Variants in SNX13 observed in about 807,000 individuals in gnomAD.
SNX13 encodes the protein sorting nexin-13.
A neutral mutation model predicts 133.6 loss-of-function variants in SNX13; 45 were observed. The observed-to-expected ratio is 0.34, with a 90% confidence interval of 0.27 to 0.43. The LOEUF (loss-of-function observed/expected upper bound fraction) is 0.43. Ranked by LOEUF, SNX13 falls within the 20% of genes least tolerant of loss-of-function variation. The pLI is 1.00. For synonymous variants in SNX13, 414 were observed against 373.9 expected (o/e 1.11, Z -1.24); for missense variants, 1,032 against 1,145.1 (o/e 0.90, Z 1.43).
At chr7:17,862,660 T>G (rs1436477912) in intron 9 of SNX13, among the ~76,000 whole-genome samples, 1 of 152,218 alleles carries the variant, frequency 6.6e-6, no homozygotes, top group Non-Finnish European at 1.5e-5. Context: ...AGTATTCAAT[T>G]GTATCAATGT....
intron 1 of SNX13, among the ~76,000 whole-genome samples, chr7:17,916,693 C>G (rs528655398): frequency 3.3e-5 from 5 of 151,564 alleles, no homozygotes; most frequent in Admixed American, 1.3e-4. Flanking sequence ...AAAAAAAAAC[C>G]CTGGACCAGA....
At chr7:17,915,108 A>T (rs999366579) in intron 1 of SNX13, among the ~76,000 whole-genome samples, 8 of 152,210 alleles carry the variant, frequency 5.3e-5, no homozygotes, top group Middle Eastern at 3.2e-3. Flanking sequence ...AACCAAAAAC[A>T]CTAAAAAAGG....
chr7:17,877,242 A>T (rs1794836894), intron 5 of SNX13, among the ~76,000 whole-genome samples: 1 of 152,062 alleles, frequency 6.6e-6, no homozygotes, highest in African/African-American at 2.4e-5. Flanking sequence ...TAATCCGAGG[A>T]TGAATTAATT....
intron 1 of SNX13, among the ~76,000 whole-genome samples, chr7:17,911,590 A>G (rs1429963780): frequency 3.3e-5 from 5 of 151,206 alleles, no homozygotes; most frequent in Non-Finnish European, 7.4e-5. Context: ...GTGAGCCAAG[A>G]TCGCGCCACT....
At chr7:17,796,638 T>C in intron 25 of SNX13, 189 bp downstream of exon 25, 1 of 542,436 alleles carries the variant, frequency 1.8e-6, no homozygotes, top group Non-Finnish European at 3.3e-6. Flanking sequence ...TAACAGTCCT[T>C]AGCTTTACAG....
chr7:17,859,809 T>C (rs1277511667), intron 9 of SNX13, among the ~76,000 whole-genome samples: 1 of 152,202 alleles, frequency 6.6e-6, no homozygotes, highest in Non-Finnish European at 1.5e-5. Context: ...AGGTTCATCA[T>C]GTTGTAGGAT....
At chr7:17,888,439 A>G in intron 5 of SNX13, 1 of 208,976 alleles carries the variant, frequency 4.8e-6, no homozygotes, top group Non-Finnish European at 9.8e-6. Context: ...AGGAAAGAAG[A>G]GCAGGAAACT....
chr7:17,818,282 A>G (rs1583351212), intron 18 of SNX13, among the ~76,000 whole-genome samples: 1 of 152,304 alleles, frequency 6.6e-6, no homozygotes, highest in Non-Finnish European at 1.5e-5. Context: ...TAATATACCA[A>G]GGAAATATGA....
intron 1 of SNX13, among the ~76,000 whole-genome samples, chr7:17,906,021 A>G (rs181973390): frequency 2.7e-4 from 39 of 143,296 alleles, no homozygotes; most frequent in Admixed American, 2.5e-3. Context: ...GATAATAAAG[A>G]AAGAATATGA....
At chr7:17,832,294 A>C (rs1788589087) in intron 15 of SNX13, 1 of 984,528 alleles carries the variant, frequency 1.0e-6, no homozygotes, top group South Asian at 4.7e-5. Flanking sequence ...GACTGGCTAG[A>C]AAGATATGAA....
chr7:17,915,833 C>T (rs1166909875), intron 1 of SNX13, among the ~76,000 whole-genome samples: 1 of 152,162 alleles, frequency 6.6e-6, no homozygotes, highest in African/African-American at 2.4e-5. Flanking sequence ...GACACTTAAC[C>T]CAATGACTGC....
At chr7:17,832,272 C>T (rs897393868) in intron 15 of SNX13, 34 of 984,344 alleles carry the variant, frequency 3.5e-5, no homozygotes, top group African/African-American at 5.3e-5. Context: ...AATAGCTGTA[C>T]TGAAGAAGAC....
intron 5 of SNX13, chr7:17,881,960 T>C (rs1795397297): frequency 6.6e-6 from 1 of 152,226 alleles, no homozygotes; most frequent in South Asian, 2.1e-4. Context: ...TCTCCTTTTA[T>C]CATCCACTTT....
chr7:17,817,429 A>G (rs1786786169), intron 18 of SNX13, among the ~76,000 whole-genome samples: 2 of 152,230 alleles, frequency 1.3e-5, no homozygotes, highest in Admixed American at 1.3e-4. Context: ...ACGTCTCTGT[A>G]AAGAAAACTA....
chr7:17,797,381 C>G (rs551347225), intron 24 of SNX13, among the ~76,000 whole-genome samples: 1 of 151,808 alleles, frequency 6.6e-6, no homozygotes. Context: ...CTACATAATA[C>G]TAAATTCTAA....
chr7:17,807,176 C>G (rs536602299), intron 20 of SNX13, among the ~76,000 whole-genome samples: 1 of 152,088 alleles, frequency 6.6e-6, no homozygotes, highest in Non-Finnish European at 1.5e-5. Flanking sequence ...ATCCCACCCC[C>G]ACGGAGCCCA....
chr7:17,893,365 T>C lies in SNX13; in HGVS notation c.195A>G (p.Ser65=), dbSNP rs754226894. 1 of 1,577,820 alleles carries C rather than the reference T, an allele frequency of 6.3e-7. No homozygotes were observed. The highest frequency in any genetic ancestry group is 1.2e-5 in the South Asian group (1 of 85,816). ...CCCCAGGTGATGTTGGAGGAAGAAA[T>C]GAGTGTTCACACTGTTCTAGGTACT... The part of the protein sequence containing the change: ...SEKYLEQCEH[S]FLPPTSPGVP... Residue 65 remains serine, a synonymous_variant, in exon 3 of 26, where the codon TCA becomes TCG. Coordinates refer to ENST00000428135, the MANE Select transcript of SNX13 (RefSeq NM_015132.5).
intron 5 of SNX13, 137 bp downstream of exon 5, chr7:17,890,226 T>C (rs1796479154): frequency 4.1e-6 from 3 of 726,222 alleles, no homozygotes; most frequent in Non-Finnish European, 6.0e-6. Context: ...TGTAAAATCT[T>C]GGAGTTATCC....
At chr7:17,927,031 G>A (rs2128042720) in intron 1 of SNX13, among the ~76,000 whole-genome samples, 2 of 152,096 alleles carry the variant, frequency 1.3e-5, no homozygotes, top group African/African-American at 4.8e-5. Flanking sequence ...TTTAAAGCAA[G>A]AATGTAATTT....
Sources: allele counts gnomAD v4.1 joint callset (sites outside exome capture counted in the v4.1 genomes callset), GRCh38; gene constraint gnomAD v4.1.1; transcripts MANE v1.5; gene names NCBI Gene and HGNC (gene_info 2026-07-23, HGNC 2026-07-21).